The following DOCK4 variants were observed in gnomAD, a reference collection of about 807,000 sequenced individuals.
The protein encoded by DOCK4 is dedicator of cytokinesis protein 4.
DOCK4 carries 97 observed loss-of-function variants against 268.1 expected under a neutral mutation model. That is an observed-to-expected ratio of 0.36 (90% CI 0.31 to 0.43). The LOEUF (loss-of-function observed/expected upper bound fraction) is 0.43, where lower values mean the gene tolerates loss of function less well. DOCK4 is among the 20% of genes least tolerant of loss of function. The probability of loss-of-function intolerance (pLI) is 1.00; values close to 1 mark genes in which losing one functional copy is unlikely to be tolerated. For missense variants in DOCK4, 2,145 were observed against 2,455.7 expected (o/e 0.87, Z 2.67); for synonymous variants, 954 against 887.2 (o/e 1.08, Z -1.34).
At chr7:111,769,974 A>C (rs183352219) in intron 36 of DOCK4, among the ~76,000 whole-genome samples, 1 of 152,168 alleles carries the variant, frequency 6.6e-6, no homozygotes, top group East Asian at 1.9e-4. Flanking sequence ...TATAATCAAA[A>C]TGTGTAAGGA....
intron 36 of DOCK4, among the ~76,000 whole-genome samples, chr7:111,773,181 A>G (rs185506988): frequency 1.4e-3 from 213 of 152,338 alleles, no homozygotes; most frequent in Non-Finnish European, 2.5e-3. Flanking sequence ...AGAGAAGAGT[A>G]GAGATGAGTT....
chr7:111,750,532 C>T (rs909644579), intron 42 of DOCK4, among the ~76,000 whole-genome samples: 5 of 152,170 alleles, frequency 3.3e-5, no homozygotes, highest in African/African-American at 4.8e-5. Context: ...ATGAGGAACC[C>T]TGTGAACCTC....
intron 14 of DOCK4, among the ~76,000 whole-genome samples, 161 bp from the exon 15 acceptor site, chr7:111,900,697 C>T (rs73424350): frequency 0.025 from 3,762 of 152,284 alleles, 164 homozygotes; most frequent in African/African-American, 0.085. Context: ...TGCTGCTTAG[C>T]GGGGTGTATC....
At chr7:112,017,888 T>C (rs1387931768) in intron 1 of DOCK4, among the ~76,000 whole-genome samples, 1 of 152,198 alleles carries the variant, frequency 6.6e-6, no homozygotes, top group East Asian at 1.9e-4. Context: ...AAAGGCCTTA[T>C]AGGAACACTC....
chr7:112,137,384 C>T (rs1814462890), intron 1 of DOCK4, among the ~76,000 whole-genome samples: 1 of 152,192 alleles, frequency 6.6e-6, no homozygotes, highest in African/African-American at 2.4e-5. Context: ...TTACATTTCT[C>T]CACAGCTTGA....
intron 30 of DOCK4, among the ~76,000 whole-genome samples, chr7:111,791,459 T>G (rs961060934): frequency 9.3e-5 from 14 of 150,804 alleles, no homozygotes; most frequent in Non-Finnish European, 2.1e-4. Flanking sequence ...TTTTTTTTGT[T>G]TTTTTTTTGA....
chr7:111,872,459 C>T lies in DOCK4; in HGVS notation c.1842+8G>A. 1.3e-6 allele frequency: 2 copies of T among 1,574,670 alleles called. No homozygotes were observed. Among genetic ancestry groups the T allele is most frequent in the Non-Finnish European group, 1.7e-6 (2 of 1,157,218 alleles). Reference sequence around the variant, plus strand: ...CTGCAAGGAAAATAGTAATGAAATACTATATACCTTTACTATCTCTGAGCC... The same window carrying T: ...CTGCAAGGAAAATAGTAATGAAATATTATATACCTTTACTATCTCTGAGCC... On this transcript the variant is annotated splice_region_variant and intron_variant, in intron 18 of 52. Coordinates refer to ENST00000428084, the MANE Select transcript of DOCK4 (RefSeq NM_001363540.2).
intron 27 of DOCK4, among the ~76,000 whole-genome samples, chr7:111,814,674 C>A (rs1186991275): frequency 6.6e-6 from 1 of 152,192 alleles, no homozygotes; most frequent in Non-Finnish European, 1.5e-5. Context: ...CAGAAATATT[C>A]CCACAAATTC....
intron 13 of DOCK4, 46 bp downstream of exon 13, chr7:111,915,733 T>G (rs781679757): frequency 6.3e-7 from 1 of 1,594,000 alleles, no homozygotes; most frequent in Admixed American, 1.8e-5. Context: ...CAAAAACAGA[T>G]AGTATACCCA....
intron 44 of DOCK4, among the ~76,000 whole-genome samples, chr7:111,744,061 C>T (rs1796107442): frequency 6.6e-6 from 1 of 152,142 alleles, no homozygotes; most frequent in African/African-American, 2.4e-5. Flanking sequence ...TCAGATGATA[C>T]TCCTACCTCA....
chr7:111,964,177 C>T (rs953370128), intron 8 of DOCK4, among the ~76,000 whole-genome samples: 11 of 142,960 alleles, frequency 7.7e-5, no homozygotes, highest in Non-Finnish European at 1.5e-4. Flanking sequence ...GAAAGCAGTT[C>T]CTCACCAGCA....
intron 1 of DOCK4, among the ~76,000 whole-genome samples, chr7:112,106,084 C>T (rs981573803): frequency 6.6e-5 from 10 of 152,136 alleles, no homozygotes; most frequent in African/African-American, 2.4e-4. Context: ...TGGCTTGTGG[C>T]AAGAGAAGAG....
intron 31 of DOCK4, among the ~76,000 whole-genome samples, chr7:111,789,534 T>G (rs544502883): frequency 6.6e-6 from 1 of 152,334 alleles, no homozygotes; most frequent in African/African-American, 2.4e-5. Context: ...TTAAACCAAA[T>G]TTCAATCAAG....
At chr7:111,943,836 G>A (rs184655490) in intron 10 of DOCK4, among the ~76,000 whole-genome samples, 1 of 152,196 alleles carries the variant, frequency 6.6e-6, no homozygotes, top group South Asian at 2.1e-4. Context: ...GGGAATAAAA[G>A]TATGTTTTTT....
intron 1 of DOCK4, among the ~76,000 whole-genome samples, chr7:112,192,092 T>C (rs1389965251): frequency 6.7e-6 from 1 of 150,284 alleles, no homozygotes; most frequent in Non-Finnish European, 1.5e-5. Flanking sequence ...TAGTGTGCAT[T>C]TATATATAAT....
chr7:112,188,640 C>T (rs1819662840), intron 1 of DOCK4, among the ~76,000 whole-genome samples: 2 of 152,182 alleles, frequency 1.3e-5, no homozygotes, highest in Non-Finnish European at 2.9e-5. Flanking sequence ...CAGAAGATTT[C>T]CCTACCACCA....
intron 1 of DOCK4, among the ~76,000 whole-genome samples, chr7:112,084,420 T>C (rs538654845): frequency 6.6e-6 from 1 of 152,300 alleles, no homozygotes; most frequent in Admixed American, 6.5e-5. Flanking sequence ...ACAGAGAGCA[T>C]CCCAAAGCCA....
intron 12 of DOCK4, among the ~76,000 whole-genome samples, chr7:111,919,504 G>A (rs928053260): frequency 5.9e-5 from 9 of 152,166 alleles, no homozygotes; most frequent in Non-Finnish European, 1.2e-4. Flanking sequence ...TTCAGAGTTG[G>A]ATGCATACTA....
intron 35 of DOCK4, among the ~76,000 whole-genome samples, chr7:111,779,332 A>C (rs939770482): frequency 2.0e-5 from 3 of 152,214 alleles, no homozygotes; most frequent in African/African-American, 7.2e-5. Flanking sequence ...AGAAGTATTT[A>C]GATCTTAGGA....
Sources: allele counts gnomAD v4.1 joint callset (sites outside exome capture counted in the v4.1 genomes callset), GRCh38; gene constraint gnomAD v4.1.1; transcripts MANE v1.5; gene names NCBI Gene and HGNC (gene_info 2026-07-23, HGNC 2026-07-21).